ZFHX3: variants seen among roughly 807,000 people sequenced by gnomAD.
ZFHX3 encodes zinc finger homeobox protein 3.
ZFHX3 carries 42 observed loss-of-function variants against 279.1 expected under a neutral mutation model. The observed-to-expected ratio is 0.15, with a 90% CI of 0.12 to 0.19. ZFHX3 has a LOEUF of 0.19. Ranked by LOEUF, ZFHX3 falls within the 10% of genes least tolerant of loss-of-function variation. The pLI, the probability that ZFHX3 is intolerant of heterozygous loss-of-function variation, is 1.00. For synonymous variants in ZFHX3, 2,293 were observed against 1,957.8 expected (o/e 1.17, Z -4.52); for missense variants, 4,981 against 4,754.0 (o/e 1.05, Z -1.40).
At chr16:73,489,786 T>G (rs1234520920) in intron 2 of ZFHX3, among the ~76,000 whole-genome samples, 1 of 152,162 alleles carries the variant, frequency 6.6e-6, no homozygotes, top group Non-Finnish European at 1.5e-5. Flanking sequence ...CTTAAAACAA[T>G]TTTTCTCTGA....
chr16:73,866,213 CCT>C (rs967010176), intron 1 of ZFHX3, among the ~76,000 whole-genome samples: 1 of 135,614 alleles, frequency 7.4e-6, no homozygotes, highest in Non-Finnish European at 1.6e-5. Flanking sequence ...AGAGTATCAC[CCT>C]GTCACCCTGT....
intron 5 of ZFHX3, among the ~76,000 whole-genome samples, chr16:73,177,085 C>T (rs1171486795): frequency 6.6e-6 from 1 of 152,106 alleles, no homozygotes; most frequent in Non-Finnish European, 1.5e-5. Flanking sequence ...AGAAAAAGCC[C>T]AAATAACGAT....
intron 1 of ZFHX3, among the ~76,000 whole-genome samples, chr16:73,870,336 C>T (rs1962127631): frequency 6.6e-6 from 1 of 152,150 alleles, no homozygotes; most frequent in Non-Finnish European, 1.5e-5. Flanking sequence ...CAAAGCATTG[C>T]CTGCAGCCAA....
At chr16:73,436,095 C>T (rs1329632027) in intron 3 of ZFHX3, among the ~76,000 whole-genome samples, 5 of 152,162 alleles carry the variant, frequency 3.3e-5, no homozygotes, top group Admixed American at 6.5e-5. Context: ...TTTGGGAGGC[C>T]GAGGTGGGCA....
intron 3 of ZFHX3, among the ~76,000 whole-genome samples, chr16:72,890,354 T>C (rs1206877222): frequency 6.6e-6 from 1 of 152,206 alleles, no homozygotes; most frequent in African/African-American, 2.4e-5. Context: ...TCTGCCATTA[T>C]TGTAAGTTTC....
chr16:73,264,572 AC>A (rs1210683538), intron 4 of ZFHX3, among the ~76,000 whole-genome samples: 1 of 149,860 alleles, frequency 6.7e-6, no homozygotes, highest in Non-Finnish European at 1.5e-5. Context: ...GGAACAACCG[AC>A]TTTTTTTTTT....
intron 1 of ZFHX3, among the ~76,000 whole-genome samples, chr16:73,695,585 C>G (rs1048140049): frequency 1.1e-4 from 16 of 152,174 alleles, no homozygotes; most frequent in Non-Finnish European, 1.9e-4. Flanking sequence ...AGGAAAAGAA[C>G]AGGGAGAAAA....
intron 2 of ZFHX3, among the ~76,000 whole-genome samples, chr16:73,646,082 T>C (rs543903902): frequency 2.0e-5 from 3 of 152,192 alleles, no homozygotes; most frequent in South Asian, 4.1e-4. Flanking sequence ...ACCATATACA[T>C]TGATCAAAAT....
In ZFHX3 at chr16:72,793,466, T is replaced by C. The variant is rs768171411; in HGVS notation, c.9216A>G (p.Val3072=). 1 of 1,614,216 alleles carries C rather than the reference T, an allele frequency of 6.2e-7. No individual in the cohort carries two copies. Among genetic ancestry groups the C allele is most frequent in the South Asian group, 1.1e-5 (1 of 91,086 alleles). ...ACTCTTGTTGAGCCATCAACTGACG[T>C]ACGGTGGCTGGGTCAAAGTATTCTT... ...KEKEYFDPAT[V]RQLMAQQELD... The change falls in exon 9 of 10, where the codon GTA becomes GTG. Residue 3072 remains valine (V), a synonymous_variant. Coordinates refer to ENST00000268489, the MANE Select transcript of ZFHX3 (RefSeq NM_006885.4). The surrounding 1 kb of genome is among the most constrained non-coding windows in gnomAD (Gnocchi z 4.3).
chr16:73,730,815 G>T (rs2053563905), intron 1 of ZFHX3, among the ~76,000 whole-genome samples: 1 of 152,300 alleles, frequency 6.6e-6, no homozygotes, highest in Non-Finnish European at 1.5e-5. Context: ...TCTCAAGAGT[G>T]CAAGTAAGAC....
At chr16:73,003,068 T>C (rs1235852130) in intron 1 of ZFHX3, among the ~76,000 whole-genome samples, 1 of 152,222 alleles carries the variant, frequency 6.6e-6, no homozygotes, top group Non-Finnish European at 1.5e-5. Flanking sequence ...CCCACATTTA[T>C]AACCAGGAGG....
At chr16:73,553,643 G>GCATA (rs1371174319) in intron 2 of ZFHX3, among the ~76,000 whole-genome samples, 1 of 152,220 alleles carries the variant, frequency 6.6e-6, no homozygotes, top group Non-Finnish European at 1.5e-5. Flanking sequence ...TTTAAGGACA[G>GCATA]CATAGACTGG....
intron 1 of ZFHX3, among the ~76,000 whole-genome samples, chr16:73,867,458 A>G (rs540087215): frequency 1.1e-4 from 17 of 152,278 alleles, no homozygotes; most frequent in Admixed American, 4.6e-4. Flanking sequence ...CCACAAAAGG[A>G]CCACGGAGGT....
At chr16:73,478,571 G>T (rs2018810756) in intron 2 of ZFHX3, among the ~76,000 whole-genome samples, 1 of 152,162 alleles carries the variant, frequency 6.6e-6, no homozygotes, top group Non-Finnish European at 1.5e-5. Flanking sequence ...CTCGGGTTTT[G>T]TTTTCACTTA....
intron 5 of ZFHX3, among the ~76,000 whole-genome samples, chr16:73,214,614 A>G (rs932501626): frequency 1.3e-5 from 2 of 152,134 alleles, no homozygotes; most frequent in Admixed American, 6.6e-5. Flanking sequence ...CTTCACACAT[A>G]TCCCAGACAT....
intron 2 of ZFHX3, among the ~76,000 whole-genome samples, chr16:73,661,827 C>G: frequency 6.6e-6 from 1 of 151,544 alleles, no homozygotes; most frequent in African/African-American, 2.4e-5. Flanking sequence ...AGTTTAAGGT[C>G]ACAGACAATA....
intron 5 of ZFHX3, among the ~76,000 whole-genome samples, chr16:73,166,559 G>A (rs1023812663): frequency 2.0e-5 from 3 of 152,130 alleles, no homozygotes; most frequent in East Asian, 3.9e-4. Flanking sequence ...GATTGGGCAA[G>A]AGCACGGGGC....
chr16:73,690,731 G>C (rs1235233243), intron 1 of ZFHX3, among the ~76,000 whole-genome samples: 1 of 152,186 alleles, frequency 6.6e-6, no homozygotes, highest in East Asian at 1.9e-4. Context: ...GAATCCTGAA[G>C]ACTTGATGTG....
At chr16:73,468,839 A>G (rs1455395017) in intron 2 of ZFHX3, among the ~76,000 whole-genome samples, 1 of 152,226 alleles carries the variant, frequency 6.6e-6, no homozygotes, top group Non-Finnish European at 1.5e-5. Flanking sequence ...ACAAATGCAC[A>G]GTTTTCTACA....
Sources: gnomAD v4.1 joint callset for allele counts (sites outside exome capture counted in the v4.1 genomes callset) on GRCh38, gnomAD v4.1.1 for gene constraint, Gnocchi (gnomAD v3.1) non-coding constraint, MANE v1.5 for transcripts, NCBI Gene and HGNC (gene_info 2026-07-23, HGNC 2026-07-21) for gene names.